ANKMY2: variants seen among roughly 807,000 people sequenced by gnomAD.
ANKMY2 encodes the protein ankyrin repeat and MYND domain containing 2.
A neutral mutation model predicts 50.4 loss-of-function variants in ANKMY2; 36 were observed. The ratio of observed to expected loss-of-function variants is 0.71; its 90% CI spans 0.55 to 0.94. The LOEUF (loss-of-function observed/expected upper bound fraction) is 0.94. Among genes scored for constraint, ANKMY2 ranks in the 40% least tolerant of loss-of-function variants. The pLI is 0.00. For missense variants in ANKMY2, 565 were observed against 524.0 expected, an observed-to-expected ratio of 1.08 and a Z score of -0.76; for synonymous variants, 187 against 178.8, an observed-to-expected ratio of 1.05 and a Z score of -0.36.
chr7:16,608,059 G>C (rs904950770), intron 7 of ANKMY2, among the ~76,000 whole-genome samples: 3 of 152,162 alleles, frequency 2.0e-5, no homozygotes, highest in African/African-American at 7.2e-5. Context: ...GAGATCATAA[G>C]TATGCATATG....
At chr7:16,614,124 C>T (rs1331326368) in intron 5 of ANKMY2, among the ~76,000 whole-genome samples, 1 of 152,122 alleles carries the variant, frequency 6.6e-6, no homozygotes, top group Non-Finnish European at 1.5e-5. Context: ...ATACTGTACC[C>T]TGACAGAAAC....
intron 7 of ANKMY2, among the ~76,000 whole-genome samples, chr7:16,605,560 C>T (rs1001077568): frequency 7.9e-5 from 12 of 151,662 alleles, no homozygotes; most frequent in East Asian, 3.9e-4. Flanking sequence ...TGCAGTGGCT[C>T]GATCTTGGCT....
chr7:16,633,080 C>T (rs62440990), intron 2 of ANKMY2, among the ~76,000 whole-genome samples: 20,865 of 152,000 alleles, frequency 0.14, 1,641 homozygotes, highest in Middle Eastern at 0.2. Context: ...ATCCTTGGCT[C>T]ATTTTTTAAT....
chr7:16,630,689 T>A (rs1169661684), intron 2 of ANKMY2, among the ~76,000 whole-genome samples: 1 of 152,202 alleles, frequency 6.6e-6, no homozygotes, highest in Non-Finnish European at 1.5e-5. Context: ...GGACTTACAG[T>A]ACAGGTGACT....
At chr7:16,616,012 T>C in intron 4 of ANKMY2, 108 bp from the exon 5 acceptor site, 1 of 1,043,052 alleles carries the variant, frequency 9.6e-7, no homozygotes, top group Non-Finnish European at 1.4e-6. Context: ...TGCACCAATA[T>C]CTTTATTTTT....
At chr7:16,644,014 G>A (rs1270648125) in intron 1 of ANKMY2, among the ~76,000 whole-genome samples, 1 of 152,190 alleles carries the variant, frequency 6.6e-6, no homozygotes, top group Non-Finnish European at 1.5e-5. Flanking sequence ...GAGAGAGAGA[G>A]AAAGAGACAG....
At chr7:16,605,941 C>G (rs1238600437) in intron 7 of ANKMY2, among the ~76,000 whole-genome samples, 1 of 151,860 alleles carries the variant, frequency 6.6e-6, no homozygotes, top group South Asian at 2.1e-4. Flanking sequence ...CCTTGGCCTC[C>G]CAAAGTGCTG....
In ANKMY2 at chr7:16,628,783, AGTTT is replaced by A. The variant is rs1338729484; in HGVS notation, c.133-1609_133-1606del. ...TTTTAGGACCCCGACTTCATCATGG[AGTTT>A]GTTTTTTTCTGTTTATCCAGAACAG... is the stretch of plus-strand genomic sequence containing the variant. On this transcript the variant is annotated intron_variant, in intron 2 of 9. Transcript: ENST00000306999. Among the ~76,000 whole-genome samples, 6 of 152,204 alleles carry A rather than the reference AGTTT, an allele frequency of 3.9e-5. No homozygotes were observed. In the East Asian group the frequency reaches 1.2e-3, roughly 29 times the overall value.
chr7:16,632,936 A>T (rs1781608845), intron 2 of ANKMY2, among the ~76,000 whole-genome samples: 1 of 152,210 alleles, frequency 6.6e-6, no homozygotes, highest in African/African-American at 2.4e-5. Context: ...TTCTGATTAT[A>T]GCTATCCTGG....
chr7:16,614,227 T>G (rs1583671861), intron 5 of ANKMY2, among the ~76,000 whole-genome samples: 1 of 152,314 alleles, frequency 6.6e-6, no homozygotes, highest in Non-Finnish European at 1.5e-5. Flanking sequence ...CTAGGTATGC[T>G]GGGAGGGAGA....
chr7:16,643,921 T>C (rs1429308827), intron 1 of ANKMY2, among the ~76,000 whole-genome samples: 1 of 148,814 alleles, frequency 6.7e-6, no homozygotes, highest in Admixed American at 6.6e-5. Flanking sequence ...GCACCTGTAG[T>C]CCCAGCCACT....
Position 16,627,116 on chromosome 7 carries a change from T to G in ANKMY2, c.195A>C (p.Leu65=), listed in dbSNP as rs11532682. 0.2 allele frequency: 318,794 copies of G among 1,606,352 alleles called. 33,195 individuals are homozygous for G. Among genetic ancestry groups the G allele is most frequent in the Middle Eastern group, 0.23 (1,416 of 6,026 alleles). The change falls in exon 3 of 10, where the codon CTA becomes CTC. Residue 65 remains leucine (L), a synonymous_variant. Transcript: ENST00000306999. The part of the protein sequence containing the change: ...YKGKLDMCKL[L]LRHGADVNCH... ...AATTTACATCGGCTCCATGTCGCAGTAGTAATTTGCACATATCGAGTTTTC... is the reference window on the plus strand; with the variant it reads ...AATTTACATCGGCTCCATGTCGCAGGAGTAATTTGCACATATCGAGTTTTC...
At chr7:16,609,507 C>G in intron 7 of ANKMY2, 123 bp downstream of exon 7, 2 of 1,159,742 alleles carry the variant, frequency 1.7e-6, no homozygotes, top group Non-Finnish European at 2.3e-6. Flanking sequence ...CTATCTCCAC[C>G]TTTGTTCCTA....
intron 6 of ANKMY2, among the ~76,000 whole-genome samples, chr7:16,610,077 C>A (rs182510951): frequency 6.6e-6 from 1 of 152,258 alleles, no homozygotes; most frequent in African/African-American, 2.4e-5. Context: ...TCTCATAGAG[C>A]CACACCCTTC....
At chr7:16,628,908 T>TAAACAAAACAAAACAAAACA (rs59359472) in intron 2 of ANKMY2, among the ~76,000 whole-genome samples, 27 of 128,034 alleles carry the variant, frequency 2.1e-4, no homozygotes, top group Admixed American at 2.0e-3. Flanking sequence ...GCCTCTAGTT[T>TAAACAAAACAAAACAAAACA]AAACAAAACA....
At chr7:16,617,587 A>G (rs1364844982) in intron 4 of ANKMY2, among the ~76,000 whole-genome samples, 1 of 152,228 alleles carries the variant, frequency 6.6e-6, no homozygotes, top group Non-Finnish European at 1.5e-5. Context: ...GACTTTCAAG[A>G]GCCGCAGAGA....
At chr7:16,623,280 T>C (rs73310785) in intron 4 of ANKMY2, among the ~76,000 whole-genome samples, 4,589 of 152,274 alleles carry the variant, frequency 0.03, 244 homozygotes, top group African/African-American at 0.1. Flanking sequence ...ATTTTCTGTC[T>C]GTGAAATCAG....
chr7:16,635,562 T>C (rs1423169718), intron 2 of ANKMY2, among the ~76,000 whole-genome samples: 3 of 152,212 alleles, frequency 2.0e-5, no homozygotes, highest in Non-Finnish European at 4.4e-5. Flanking sequence ...GGAATCTAAA[T>C]ATCCATTTCC....
At chr7:16,609,541 T>C in intron 7 of ANKMY2, 89 bp downstream of exon 7, 1 of 1,333,730 alleles carries the variant, frequency 7.5e-7, no homozygotes, top group Non-Finnish European at 9.9e-7. Flanking sequence ...ATAATAAAAA[T>C]AAATATTAAA....
Sources: allele counts gnomAD v4.1 joint callset (sites outside exome capture counted in the v4.1 genomes callset), GRCh38; gene constraint gnomAD v4.1.1; transcripts MANE v1.5; gene names NCBI Gene and HGNC (gene_info 2026-07-23, HGNC 2026-07-21).